CNTN5: variants seen among roughly 807,000 people sequenced by gnomAD.
CNTN5 encodes the protein contactin-5.
CNTN5 carries 77 observed loss-of-function variants against 129.1 expected under a neutral mutation model. That is an observed-to-expected ratio of 0.60 (90% CI 0.50 to 0.72). The LOEUF (loss-of-function observed/expected upper bound fraction) is 0.72. Ranked by LOEUF, CNTN5 falls within the 30% of genes least tolerant of loss-of-function variation. The pLI, the probability that CNTN5 is intolerant of heterozygous loss-of-function variation, is 0.00. For synonymous variants in CNTN5, 509 were observed against 465.6 expected (o/e 1.09, Z -1.20); for missense variants, 1,478 against 1,328.8 (o/e 1.11, Z -1.75).
chr11:99,863,693 G>A (rs1948276925), intron 6 of CNTN5, among the ~76,000 whole-genome samples: 1 of 152,130 alleles, frequency 6.6e-6, no homozygotes, highest in Admixed American at 6.6e-5. Context: ...CTATTTTCTA[G>A]CACCTAAAAT....
At chr11:99,817,620 T>TTTTC (rs55913209) in intron 3 of CNTN5, among the ~76,000 whole-genome samples, 1 of 124,750 alleles carries the variant, frequency 8.0e-6, no homozygotes, top group Non-Finnish European at 1.7e-5. Flanking sequence ...TTTTTTTTTT[T>TTTTC]CCTTTATAAA....
intron 2 of CNTN5, among the ~76,000 whole-genome samples, chr11:99,477,351 T>G (rs1945412441): frequency 6.6e-6 from 1 of 152,018 alleles, no homozygotes; most frequent in African/African-American, 2.4e-5. Flanking sequence ...GGATCTTGTA[T>G]TCTGTGATGA....
chr11:99,469,879 G>A (rs549431830), intron 2 of CNTN5, among the ~76,000 whole-genome samples: 2 of 152,158 alleles, frequency 1.3e-5, no homozygotes, highest in Admixed American at 6.5e-5. Flanking sequence ...AGTCTCTAAA[G>A]TTTCTCCTAC....
At chr11:99,947,762 A>G (rs964798091) in intron 7 of CNTN5, among the ~76,000 whole-genome samples, 1 of 152,190 alleles carries the variant, frequency 6.6e-6, no homozygotes, top group Non-Finnish European at 1.5e-5. Context: ...GACAATTTAT[A>G]AAACACTTAT....
intron 2 of CNTN5, among the ~76,000 whole-genome samples, chr11:99,454,697 A>T (rs1944432844): frequency 6.6e-6 from 1 of 152,196 alleles, no homozygotes; most frequent in Non-Finnish European, 1.5e-5. Context: ...AATTCTTTAT[A>T]GCAGTGTGAA....
rs1033947971 is a variant in CNTN5 at position 99,782,491 on chromosome 11, T to C, written c.56-37053T>C. 8.3e-3 allele frequency among the ~76,000 whole-genome samples: 1,252 copies of C among 151,452 alleles called. 17 individuals are homozygous for C. Among genetic ancestry groups the C allele is most frequent in the African/African-American group, 0.029 (1,187 of 41,268 alleles). The stretch of plus-strand genomic sequence containing the variant: ...GGAAAAAACTACTTTCAAGTTCATA[T>C]GGAACCAAAAAAGAGCCCGCATTGC... On this transcript the variant is annotated intron_variant, in intron 3 of 24. Transcript: ENST00000524871.
At chr11:99,641,222 T>A (rs978309437) in intron 3 of CNTN5, among the ~76,000 whole-genome samples, 2 of 152,172 alleles carry the variant, frequency 1.3e-5, no homozygotes, top group Admixed American at 1.3e-4. Context: ...TTGGGATTTC[T>A]TAAAAGGAGA....
intron 3 of CNTN5, among the ~76,000 whole-genome samples, chr11:99,580,616 G>A (rs188008757): frequency 5.3e-5 from 8 of 152,028 alleles, no homozygotes; most frequent in Admixed American, 2.0e-4. Flanking sequence ...GTTTATTTGC[G>A]TAGACGTGTT....
At chr11:100,141,960 C>T (rs371157897) in intron 13 of CNTN5, among the ~76,000 whole-genome samples, 1 of 151,934 alleles carries the variant, frequency 6.6e-6, no homozygotes, top group South Asian at 2.1e-4. Flanking sequence ...GGATGGGTAC[C>T]ATTCAATTGG....
chr11:100,015,120 G>A (rs1232968649), intron 9 of CNTN5, among the ~76,000 whole-genome samples: 2 of 152,226 alleles, frequency 1.3e-5, no homozygotes, highest in Non-Finnish European at 1.5e-5. Flanking sequence ...ATTTATCAAT[G>A]TAATAGGTAT....
intron 10 of CNTN5, among the ~76,000 whole-genome samples, chr11:100,069,891 CTG>C (rs987062252): frequency 6.6e-6 from 1 of 151,936 alleles, no homozygotes; most frequent in African/African-American, 2.4e-5. Context: ...AAATTTTCCT[CTG>C]TAACAATTTT....
intron 17 of CNTN5, among the ~76,000 whole-genome samples, chr11:100,259,457 C>T (rs1950152021): frequency 6.6e-6 from 1 of 152,144 alleles, no homozygotes; most frequent in African/African-American, 2.4e-5. Flanking sequence ...TAATAAACAT[C>T]TACAGAACTC....
chr11:99,269,766 A>T (rs1019568770), intron 1 of CNTN5, among the ~76,000 whole-genome samples: 11 of 149,958 alleles, frequency 7.3e-5, no homozygotes, highest in Non-Finnish European at 1.0e-4. Flanking sequence ...ACTTACTTCT[A>T]GGGTAGGATT....
At chr11:99,295,007 G>A (rs11219232) in intron 1 of CNTN5, among the ~76,000 whole-genome samples, 1 of 152,088 alleles carries the variant, frequency 6.6e-6, no homozygotes, top group African/African-American at 2.4e-5. Flanking sequence ...GTCATTCATA[G>A]TTTACGGTGT....
intron 6 of CNTN5, among the ~76,000 whole-genome samples, chr11:99,912,200 A>G (rs1019709533): frequency 6.6e-6 from 1 of 151,970 alleles, no homozygotes; most frequent in Non-Finnish European, 1.5e-5. Context: ...AGAAAAAAGG[A>G]AGGAAATAAA....
At chr11:99,793,942 T>C (rs1240881725) in intron 3 of CNTN5, among the ~76,000 whole-genome samples, 1 of 152,178 alleles carries the variant, frequency 6.6e-6, no homozygotes, top group Non-Finnish European at 1.5e-5. Context: ...TTAACTCAAG[T>C]GTTGAGTTCA....
At position 100,247,970 on chromosome 11, in the gene CNTN5, A is replaced by G. The variant is rs553669961; in HGVS notation, c.2006-7790A>G. Reference sequence around the variant, plus strand: ...TCTGCATTAATCTAATCTTCCAGACAGTAGCTAAACCTCCTTTTCACTTGG... The same window carrying G: ...TCTGCATTAATCTAATCTTCCAGACGGTAGCTAAACCTCCTTTTCACTTGG... On this transcript the variant is annotated intron_variant, in intron 16 of 24. Transcript: ENST00000524871. Among the ~76,000 whole-genome samples, 9 of 152,232 alleles carry G rather than the reference A, an allele frequency of 5.9e-5. No individual in the cohort carries two copies. In the East Asian group the frequency reaches 1.7e-3, roughly 30 times the overall value.
At chr11:99,506,030 T>A (rs1946604254) in intron 2 of CNTN5, among the ~76,000 whole-genome samples, 1 of 152,244 alleles carries the variant, frequency 6.6e-6, no homozygotes, top group African/African-American at 2.4e-5. Flanking sequence ...GCTGCCTGAA[T>A]AAACAGGAGG....
At chr11:99,255,443 T>G (rs1200636431) in intron 1 of CNTN5, among the ~76,000 whole-genome samples, 1 of 151,530 alleles carries the variant, frequency 6.6e-6, no homozygotes, top group Non-Finnish European at 1.5e-5. Context: ...CAACGTAAAT[T>G]CTGTTTAAAG....
Sources: allele counts gnomAD v4.1 joint callset (sites outside exome capture counted in the v4.1 genomes callset), GRCh38; gene constraint gnomAD v4.1.1; transcripts MANE v1.5; gene names NCBI Gene and HGNC (gene_info 2026-07-23, HGNC 2026-07-21).